Variants in BBS9 observed in about 807,000 individuals in gnomAD.
BBS9 encodes the protein Bardet-Biedl syndrome 9.
In BBS9, 89 loss-of-function variants were observed where a neutral mutation model predicts 117.7. That is an observed-to-expected ratio of 0.76 (90% confidence interval 0.64 to 0.90). BBS9 has a LOEUF of 0.90. Ranked by LOEUF, BBS9 falls within the 40% of genes least tolerant of loss-of-function variation. The pLI is 0.00. For synonymous variants in BBS9, 379 were observed against 370.9 expected, an observed-to-expected ratio of 1.02 and a Z score of -0.25; for missense variants, 982 against 1,042.2, an observed-to-expected ratio of 0.94 and a Z score of 0.80.
At chr7:33,294,161 T>C (rs921387390) in intron 9 of BBS9, among the ~76,000 whole-genome samples, 3 of 152,176 alleles carry the variant, frequency 2.0e-5, no homozygotes, top group Admixed American at 2.0e-4. Context: ...ATCTAGTCAA[T>C]TAAAACAATA....
chr7:33,432,209 C>T (rs1374624409), intron 19 of BBS9, among the ~76,000 whole-genome samples: 3 of 150,580 alleles, frequency 2.0e-5, no homozygotes, highest in Non-Finnish European at 2.9e-5. Context: ...CCCAGGTTCA[C>T]GCCGTTCTCT....
At chr7:33,529,398 G>A (rs1850211881) in intron 20 of BBS9, among the ~76,000 whole-genome samples, 1 of 152,194 alleles carries the variant, frequency 6.6e-6, no homozygotes, top group Admixed American at 6.5e-5. Context: ...AGGCTCCTAA[G>A]GCAGGGGCTC....
chr7:33,148,298 A>G (rs1792737501), intron 2 of BBS9, among the ~76,000 whole-genome samples: 1 of 152,156 alleles, frequency 6.6e-6, no homozygotes. Context: ...GAGGAGGTAT[A>G]GGACTGTAAC....
chr7:33,186,159 A>G (rs1783096163), intron 5 of BBS9, among the ~76,000 whole-genome samples: 1 of 152,226 alleles, frequency 6.6e-6, no homozygotes, highest in Non-Finnish European at 1.5e-5. Flanking sequence ...TTGCATTTGA[A>G]TTATAAGGGG....
At chr7:33,163,638 C>G (rs1052698538) in intron 4 of BBS9, among the ~76,000 whole-genome samples, 2 of 152,092 alleles carry the variant, frequency 1.3e-5, no homozygotes, top group African/African-American at 4.8e-5. Context: ...ATAGTATTCT[C>G]TGATGGTAGT....
intron 21 of BBS9, among the ~76,000 whole-genome samples, chr7:33,568,769 T>G (rs1857306402): frequency 6.6e-6 from 1 of 152,236 alleles, no homozygotes; most frequent in South Asian, 2.1e-4. Context: ...TGTTATGGTA[T>G]GCTTCCCTTC....
chr7:33,330,835 T>C (rs368468261), intron 9 of BBS9, among the ~76,000 whole-genome samples: 2 of 152,324 alleles, frequency 1.3e-5, no homozygotes, highest in Admixed American at 1.3e-4. Flanking sequence ...CACAGACCGA[T>C]AATAATTCAG....
At chr7:33,618,118 T>C (rs1865231728) in intron 21 of BBS9, among the ~76,000 whole-genome samples, 1 of 152,118 alleles carries the variant, frequency 6.6e-6, no homozygotes, top group South Asian at 2.1e-4. Context: ...GGCAGGATGA[T>C]TGCCTTAGGC....
intron 21 of BBS9, among the ~76,000 whole-genome samples, chr7:33,534,934 C>T (rs10263476): frequency 0.14 from 20,942 of 152,136 alleles, 1,724 homozygotes; most frequent in African/African-American, 0.22. Context: ...GCAAGAACCA[C>T]AGTGTGGGAA....
At chr7:33,480,669 G>A (rs1048946858) in intron 19 of BBS9, among the ~76,000 whole-genome samples, 7 of 152,130 alleles carry the variant, frequency 4.6e-5, no homozygotes, top group African/African-American at 1.7e-4. Flanking sequence ...GGGCAGGGCT[G>A]GTGTGTATAT....
At chr7:33,214,695 A>C (rs1354617003) in intron 5 of BBS9, among the ~76,000 whole-genome samples, 1 of 152,246 alleles carries the variant, frequency 6.6e-6, no homozygotes, top group Non-Finnish European at 1.5e-5. Flanking sequence ...AGAAAAATTA[A>C]AGAGGCCACA....
chr7:33,383,939 C>A, intron 18 of BBS9, 101 bp downstream of exon 18: 1 of 1,243,186 alleles, frequency 8.0e-7, no homozygotes, highest in Non-Finnish European at 1.1e-6. Context: ...AGGCTATGTG[C>A]TTCTAGTTGT....
At chr7:33,160,942 A>T (rs1300260603) in intron 4 of BBS9, among the ~76,000 whole-genome samples, 2 of 152,154 alleles carry the variant, frequency 1.3e-5, no homozygotes, top group African/African-American at 2.4e-5. Flanking sequence ...CTTTTATACA[A>T]CCAGAAGACA....
chr7:33,261,549 G>A (rs939050172), intron 6 of BBS9, among the ~76,000 whole-genome samples: 1 of 152,168 alleles, frequency 6.6e-6, no homozygotes, highest in East Asian at 1.9e-4. Context: ...AGTTCTCTGG[G>A]TTACATATCA....
At chr7:33,492,856 ATGTGTT>A (rs1844203219) in intron 19 of BBS9, among the ~76,000 whole-genome samples, 1 of 96,644 alleles carries the variant, frequency 1.0e-5, no homozygotes, top group African/African-American at 4.0e-5. Flanking sequence ...GTGTGTGTGT[ATGTGTT>A]GAAGGGTACA....
chr7:33,317,676 C>G (rs1044947067), intron 9 of BBS9, among the ~76,000 whole-genome samples: 2 of 152,188 alleles, frequency 1.3e-5, no homozygotes, highest in Non-Finnish European at 2.9e-5. Flanking sequence ...TGTGTTAACT[C>G]TATCCAAAGT....
At chr7:33,411,756 A>C (rs1432245440) in intron 19 of BBS9, among the ~76,000 whole-genome samples, 1 of 152,140 alleles carries the variant, frequency 6.6e-6, no homozygotes, top group Non-Finnish European at 1.5e-5. Flanking sequence ...TGATCATTAA[A>C]ATTTAGGGAT....
At chr7:33,411,011 GTTT>G (rs765425062) in intron 19 of BBS9, among the ~76,000 whole-genome samples, 9 of 96,424 alleles carry the variant, frequency 9.3e-5, no homozygotes, top group East Asian at 3.2e-4. Context: ...AAATGTTGGT[GTTT>G]TTTTTTTTTT....
chr7:33,485,040 A>G (rs1035714711), intron 19 of BBS9, among the ~76,000 whole-genome samples: 1 of 152,228 alleles, frequency 6.6e-6, no homozygotes, highest in African/African-American at 2.4e-5. Context: ...AACTAATGCA[A>G]GAACAGAAAA....
Sources: allele counts gnomAD v4.1 joint callset (sites outside exome capture counted in the v4.1 genomes callset), GRCh38; gene constraint gnomAD v4.1.1; transcripts MANE v1.5; gene names NCBI Gene and HGNC (gene_info 2026-07-23, HGNC 2026-07-21).